TARBP1: variants seen among roughly 807,000 people sequenced by gnomAD.
TARBP1 encodes the protein tRNA guanosine 2 -O-methyltransferase TARBP1.
A neutral mutation model predicts 178.6 loss-of-function variants in TARBP1; 144 were observed. The ratio of observed to expected loss-of-function variants is 0.81; its 90% CI spans 0.70 to 0.93. TARBP1 has a LOEUF of 0.93. Ranked by LOEUF, TARBP1 falls within the 40% of genes least tolerant of loss-of-function variation. The pLI is 0.00. For missense variants in TARBP1, 2,067 were observed against 2,011.7 expected (o/e 1.03, Z -0.53); for synonymous variants, 787 against 781.0 (o/e 1.01, Z -0.13).
At chr1:234,460,091 C>T (rs934179554) in intron 7 of TARBP1, among the ~76,000 whole-genome samples, 170 bp downstream of exon 7, 1 of 152,062 alleles carries the variant, frequency 6.6e-6, no homozygotes, top group African/African-American at 2.4e-5. Context: ...TTCAACTATA[C>T]GAATAATACA....
chr1:234,408,377 T>A (rs1264934294), intron 23 of TARBP1, among the ~76,000 whole-genome samples: 1 of 151,996 alleles, frequency 6.6e-6, no homozygotes, highest in Admixed American at 6.5e-5. Context: ...TGGGAGAAAC[T>A]TAGTTTAGTT....
intron 12 of TARBP1, among the ~76,000 whole-genome samples, chr1:234,439,718 C>T (rs146958212): frequency 0.013 from 1,989 of 152,158 alleles, 44 homozygotes; most frequent in African/African-American, 0.043. Context: ...CCCAGCTACT[C>T]GGTAAACTGA....
In TARBP1 at chr1:234,462,516, C is replaced by T. The variant is rs866121269; in HGVS notation, c.1399+1321G>A. Among the ~76,000 whole-genome samples the T allele has an allele frequency of 7.9e-5, 12 of 152,290 alleles. No homozygotes were observed. In the South Asian group the frequency reaches 2.3e-3, roughly 29 times the overall value. On this transcript the variant is annotated intron_variant, in intron 6 of 29. Transcript: ENST00000040877. ...CCATACTGGCCAACACGGTGAAACC[C>T]TGTCTCTACTAAGAATACAAAAATT...
chr1:234,450,783 A>T (rs1197156703), intron 9 of TARBP1, among the ~76,000 whole-genome samples: 1 of 136,428 alleles, frequency 7.3e-6, no homozygotes, highest in Admixed American at 7.9e-5. Flanking sequence ...TGTATGTGTG[A>T]TATATATATG....
chr1:234,469,077 T>TTTA (rs1413764322), intron 3 of TARBP1, among the ~76,000 whole-genome samples: 158 of 63,766 alleles, frequency 2.5e-3, no homozygotes, highest in African/African-American at 7.6e-3. Flanking sequence ...TTTTTTTTTT[T>TTTA]AAAAAAAAAA....
At chr1:234,417,154 G>T (rs1662520663) in intron 22 of TARBP1, among the ~76,000 whole-genome samples, 1 of 152,228 alleles carries the variant, frequency 6.6e-6, no homozygotes, top group African/African-American at 2.4e-5. Context: ...TAAAATCCTT[G>T]ATGTATCACT....
chr1:234,393,651 A>G lies in TARBP1; in HGVS notation c.4430T>C (p.Leu1477Ser), dbSNP rs769725139. The part of the protein sequence containing the change: ...VASLIDKPTN[L>S]GGLCRTCEVF... ...CCAGAAAACTCCAACTTTACCTCCT[A>G]AATTGGTCGGTTTGTCGATGAGCGA... The change falls in exon 27 of 30, where the codon TTA (leucine) becomes TCA (serine). Residue 1477 changes from leucine to serine, a missense_variant. Leu to Ser is a moderately radical substitution (Grantham distance 145). Coordinates refer to ENST00000040877, the MANE Select transcript of TARBP1 (RefSeq NM_005646.4). 6.2e-7 allele frequency: 1 copy of G among 1,604,818 alleles called. No individual in the cohort carries two copies. The highest frequency in any genetic ancestry group is 1.1e-5 in the South Asian group (1 of 90,592).
chr1:234,429,961 CCA>C, intron 15 of TARBP1, 124 bp downstream of exon 15: 1 of 996,342 alleles, frequency 1.0e-6, no homozygotes, highest in South Asian at 1.6e-5. Context: ...TAATGTTATA[CCA>C]CACTTTCATC....
intron 21 of TARBP1, among the ~76,000 whole-genome samples, 184 bp downstream of exon 21, chr1:234,420,518 C>T (rs1662965842): frequency 6.8e-6 from 1 of 148,070 alleles, no homozygotes; most frequent in Admixed American, 6.6e-5. Context: ...TTCTACAATA[C>T]CTAATTGCCT....
At chr1:234,447,307 T>C (rs972633594) in intron 11 of TARBP1, among the ~76,000 whole-genome samples, 2 of 65,530 alleles carry the variant, frequency 3.1e-5, no homozygotes, top group Non-Finnish European at 6.1e-5. Context: ...AAAACAAACA[T>C]AAGCTAGTCA....
intron 22 of TARBP1, among the ~76,000 whole-genome samples, chr1:234,417,475 G>C (rs1442739274): frequency 6.6e-6 from 1 of 152,186 alleles, no homozygotes; most frequent in Non-Finnish European, 1.5e-5. Flanking sequence ...GGTGCATTTG[G>C]AAACCAAAAG....
chr1:234,460,370 TC>T lies in TARBP1; in HGVS notation c.1425del (p.Lys476ArgfsTer2). ...IKSSFLLKFIRKMTSRHWCAV... is the reference protein window; with the variant it reads ...IKSSFLLKFIXKMTSRHWCAV... Reference sequence around the variant, plus strand: ...GCACACCAATGCCTACTTGTCATCTTCCGAATAAACTTCAATAGGAAGCTAC... The same window carrying T: ...GCACACCAATGCCTACTTGTCATCTTCGAATAAACTTCAATAGGAAGCTAC... On this transcript the variant is annotated frameshift_variant, in exon 7 of 30. Transcript: ENST00000040877. LOFTEE classifies it high-confidence loss of function. 6.2e-7 allele frequency: 1 copy of T among 1,614,162 alleles called. No homozygotes were observed. The highest frequency in any genetic ancestry group is 8.5e-7 in the Non-Finnish European group (1 of 1,180,028).
At chr1:234,472,859 A>C in intron 1 of TARBP1, 48 bp from the exon 2 acceptor site, 1 of 1,408,748 alleles carries the variant, frequency 7.1e-7, no homozygotes, top group Non-Finnish European at 9.8e-7. Context: ...TGCAAATTTC[A>C]TAAGTTTCTC....
At chr1:234,391,801 T>C in intron 29 of TARBP1, 56 bp from the exon 30 acceptor site, 2 of 1,519,614 alleles carry the variant, frequency 1.3e-6, no homozygotes, top group Middle Eastern at 2.3e-4. Context: ...ATTTTTCTCT[T>C]TGATATTCTT....
chr1:234,459,454 T>C, intron 7 of TARBP1, 128 bp from the exon 8 acceptor site: 1 of 688,724 alleles, frequency 1.5e-6, no homozygotes, highest in Non-Finnish European at 2.4e-6. Context: ...ATTTCAAAGC[T>C]GTTATTTCCC....
chr1:234,449,196 G>A (rs554949726), intron 10 of TARBP1, among the ~76,000 whole-genome samples: 6 of 152,292 alleles, frequency 3.9e-5, no homozygotes, highest in Admixed American at 2.6e-4. Context: ...GCAGGGGAGA[G>A]ACCAGGAAAC....
In TARBP1 at chr1:234,391,328, T is replaced by C. The variant is rs535932700; in HGVS notation, c.*249A>G. On this transcript the variant is annotated 3_prime_UTR_variant, in exon 30 of 30. Transcript: ENST00000040877. ...AGGAAATAAATTCTCTCTTAAAAAATCCATTGTTTTATTTCCACAATTGCT... is the reference window on the plus strand; with the variant it reads ...AGGAAATAAATTCTCTCTTAAAAAACCCATTGTTTTATTTCCACAATTGCT... 1.4e-5 allele frequency: 5 copies of C among 350,706 alleles called. No homozygotes were observed. The Admixed American group carries it at 1.8e-4, about 12-fold the overall frequency. 21.7% of individuals were successfully genotyped at this position (350,706 alleles called of 1,614,324 possible). A position where few individuals can be genotyped will look rare whatever the true frequency, so the allele number is the denominator to read the frequency against.
chr1:234,473,531 C>T (rs1669275878), intron 1 of TARBP1, among the ~76,000 whole-genome samples: 2 of 152,234 alleles, frequency 1.3e-5, no homozygotes, highest in African/African-American at 4.8e-5. Flanking sequence ...CTCCTCTCTA[C>T]CTGCCCCCTC....
In TARBP1 at chr1:234,427,739, C is replaced by A; in HGVS notation, c.3088G>T (p.Ala1030Ser). The A allele has an allele frequency of 6.9e-7, 1 of 1,453,538 alleles. No homozygotes were observed. Among genetic ancestry groups the A allele is most frequent in the South Asian group, 1.6e-5 (1 of 63,072 alleles). The allele number at this position is 1,453,538 out of a possible 1,614,324, so 90.0% of individuals were successfully genotyped here. The change falls in exon 18 of 30, where the codon GCT (alanine) becomes TCT (serine). Residue 1030 changes from alanine to serine, a missense_variant. By Grantham distance (99) the Ala-to-Ser change is moderately conservative (BLOSUM62 1). Transcript: ENST00000040877. ...GTATTGAAGACTCCAGTCTTTATAG[C>A]AGACATTTCAATTATCTTGTACATA... The part of the protein sequence containing the change: ...EIMYKIIEMS[A>S]IKTGVFNTLI...
Sources: allele counts gnomAD v4.1 joint callset (sites outside exome capture counted in the v4.1 genomes callset), GRCh38; gene constraint gnomAD v4.1.1; transcripts MANE v1.5; gene names NCBI Gene and HGNC (gene_info 2026-07-23, HGNC 2026-07-21).